The following LMTK3 variants were observed in gnomAD, a reference collection of about 807,000 sequenced individuals.
LMTK3 encodes the protein lemur tail kinase 3.
In LMTK3, 27 loss-of-function variants were observed where a neutral mutation model predicts 116.7. The ratio of observed to expected loss-of-function variants is 0.23; its 90% CI spans 0.17 to 0.32. The LOEUF (loss-of-function observed/expected upper bound fraction) is 0.32. Ranked by LOEUF, LMTK3 falls within the 10% of genes least tolerant of loss-of-function variation. The pLI is 1.00. For missense variants in LMTK3, 1,764 were observed against 2,068.5 expected, an observed-to-expected ratio of 0.85 and a Z score of 2.86; for synonymous variants, 965 against 971.0, an observed-to-expected ratio of 0.99 and a Z score of 0.11.
At position 48,491,021 on chromosome 19, in the gene LMTK3, C is replaced by A. The variant is rs1972211567; in HGVS notation, c.4366+87G>T. On this transcript the variant is annotated intron_variant, in intron 14 of 14. Coordinates refer to ENST00000600059, the MANE Select transcript of LMTK3 (RefSeq NM_001388485.1). The surrounding 1 kb of genome is among the most constrained non-coding windows in gnomAD (Gnocchi z 5.1). ...GAGACTGGGAAGAGAGAGGCAGGGA[C>A]ATTGAAAGATGGTCACAAGAAGTTG... The A allele has an allele frequency of 2.4e-6, 2 of 827,812 alleles. No individual in the cohort carries two copies. The highest frequency in any genetic ancestry group is 6.7e-5 in the East Asian group (2 of 29,848). The allele number at this position is 827,812 out of a possible 1,614,324, so 51.3% of individuals were successfully genotyped here.
At chr19:48,488,041 A>G (rs755976123) in intron 14 of LMTK3, among the ~76,000 whole-genome samples, 1 of 152,108 alleles carries the variant, frequency 6.6e-6, no homozygotes, top group African/African-American at 2.4e-5. Flanking sequence ...TGCCGCAGGA[A>G]TATTTGTCAA....
Position 48,497,676 on chromosome 19 carries a change from C to T in LMTK3, c.3393G>A (p.Val1131=). 1 of 1,317,912 alleles carries T rather than the reference C, an allele frequency of 7.6e-7. No individual in the cohort carries two copies. Among genetic ancestry groups the T allele is most frequent in the South Asian group, 2.3e-5 (1 of 44,184 alleles). The allele number at this position is 1,317,912 out of a possible 1,614,324, so 81.6% of individuals were successfully genotyped here. A position where few individuals can be genotyped will look rare whatever the true frequency, so the allele number is the denominator to read the frequency against. The part of the protein sequence containing the change: ...TAPGGGPGSG[V]DAKAGWVDNT... The stretch of plus-strand genomic sequence containing the variant: ...TGTCTACCCATCCGGCCTTTGCGTC[C>T]ACGCCGCTTCCGGGGCCGCCGCCGG... The change falls in exon 11 of 15, where the codon GTG becomes GTA. Residue 1131 remains valine, a synonymous_variant. Coordinates refer to ENST00000600059, the MANE Select transcript of LMTK3 (RefSeq NM_001388485.1). The surrounding 1 kb of genome is among the most constrained non-coding windows in gnomAD (Gnocchi z 5.7).
At chr19:48,504,163 C>T (rs867223615) in intron 5 of LMTK3, among the ~76,000 whole-genome samples, 10 of 152,368 alleles carry the variant, frequency 6.6e-5, no homozygotes, top group South Asian at 4.1e-4. Flanking sequence ...CCACCGCACC[C>T]TGCCTGCACC....
intron 5 of LMTK3, among the ~76,000 whole-genome samples, chr19:48,507,944 G>A (rs1181187754): frequency 1.3e-5 from 2 of 152,204 alleles, no homozygotes; most frequent in East Asian, 3.8e-4. Context: ...TTTGGAAGGA[G>A]GGGAGGAGTA....
In LMTK3 at chr19:48,494,530, C is replaced by T. The variant is rs1005388872; in HGVS notation, c.3677-421G>A. 6.6e-6 allele frequency among the ~76,000 whole-genome samples: 1 copy of T among 152,208 alleles called. No homozygotes were observed. Among genetic ancestry groups the T allele is most frequent in the African/African-American group, 2.4e-5 (1 of 41,446 alleles). ...ATTTTTAGTAGAGACGGGGTTTCAC[C>T]ATGCTGGCCAGGCTGGTCTTGAACT... On this transcript the variant is annotated intron_variant, in intron 11 of 14. Coordinates refer to ENST00000600059, the MANE Select transcript of LMTK3 (RefSeq NM_001388485.1). The surrounding 1 kb of genome is among the most constrained non-coding windows in gnomAD (Gnocchi z 4.0).
At position 48,491,182 on chromosome 19, in the gene LMTK3, A is replaced by G; in HGVS notation, c.4292T>C (p.Phe1431Ser). The G allele has an allele frequency of 7.3e-7, 1 of 1,365,404 alleles. No homozygotes were observed. The highest frequency in any genetic ancestry group is 1.8e-5 in the South Asian group (1 of 54,170). The allele number at this position is 1,365,404 out of a possible 1,614,324, so 84.6% of individuals were successfully genotyped here. A position where few individuals can be genotyped will look rare whatever the true frequency, so the allele number is the denominator to read the frequency against. ...LLPPPGPPLCFSRFSVSPALE... is the reference protein window; with the variant it reads ...LLPPPGPPLCSSRFSVSPALE... Reference sequence around the variant, plus strand: ...CGCAGGCGAGACGGAGAAGCGGGAGAAGCACAGCGGGGGGCCTGGAGGGGG... The same window carrying G: ...CGCAGGCGAGACGGAGAAGCGGGAGGAGCACAGCGGGGGGCCTGGAGGGGG... The change falls in exon 14 of 15, where the codon TTC becomes TCC. Residue 1431 changes from phenylalanine to serine, a missense_variant. Physicochemically the swap from Phe to Ser is radical, Grantham distance 155 (BLOSUM62 -2). Coordinates refer to ENST00000600059, the MANE Select transcript of LMTK3 (RefSeq NM_001388485.1). The surrounding 1 kb of genome is among the most constrained non-coding windows in gnomAD (Gnocchi z 5.1).
At chr19:48,488,203 C>T (rs913998697) in intron 14 of LMTK3, among the ~76,000 whole-genome samples, 3 of 152,120 alleles carry the variant, frequency 2.0e-5, no homozygotes, top group African/African-American at 7.2e-5. Flanking sequence ...GCACCCCCAC[C>T]CTGTCCTCAC....
In LMTK3 at chr19:48,499,671, G is replaced by A. The variant is rs1333554821; in HGVS notation, c.1398C>T (p.Leu466=). 2 of 1,535,206 alleles carry A rather than the reference G, an allele frequency of 1.3e-6. No individual in the cohort carries two copies. Among genetic ancestry groups the A allele is most frequent in the Non-Finnish European group, 1.8e-6 (2 of 1,139,958 alleles). The part of the protein sequence containing the change: ...GFPGADPDDV[L]TVTESSRGLN... ...GGCCGCGGCTACTCTCGGTGACCGT[G>A]AGCACATCGTCGGGGTCGGCTCCAG... The change falls in exon 11 of 15, where the codon CTC becomes CTT. Residue 466 remains leucine (L), a synonymous_variant. Transcript: ENST00000600059.
intron 5 of LMTK3, among the ~76,000 whole-genome samples, chr19:48,506,015 G>A (rs892415332): frequency 3.3e-5 from 5 of 151,688 alleles, no homozygotes; most frequent in South Asian, 2.1e-4. Context: ...GGTGGTGGGC[G>A]CCTGTAATCG....
In LMTK3 at chr19:48,501,511, G is replaced by T; in HGVS notation, c.846C>A (p.Ile282=). 5.0e-6 allele frequency: 8 copies of T among 1,612,476 alleles called. No individual in the cohort carries two copies. The highest frequency in any genetic ancestry group is 6.8e-6 in the Non-Finnish European group (8 of 1,179,322). ...CLLTSDLTVR[I]GDYGLAHSNY... ...TGCTGTGGGCCAGCCCGTAGTCTCC[G>T]ATGCGCACGGTCAGGTCAGAGGTCA... The change falls in exon 8 of 15, where the codon ATC becomes ATA. Residue 282 remains isoleucine, a synonymous_variant. Transcript: ENST00000600059.
rs1027829791 is a variant in LMTK3, at chr19:48,509,992, A to G, written c.361+31T>C. ...ATCTTCTGGCCTTTCCCGGGACACC[A>G]TGGGATGCTGGTCATGGCGTGGGGC... On this transcript the variant is annotated intron_variant, in intron 3 of 14. Coordinates refer to ENST00000600059, the MANE Select transcript of LMTK3 (RefSeq NM_001388485.1). The G allele has an allele frequency of 2.5e-6, 4 of 1,610,000 alleles. 1 individual carries two copies. The highest frequency in any genetic ancestry group is 2.2e-5 in the South Asian group (2 of 90,920).
chr19:48,508,916 C>T lies in LMTK3; in HGVS notation c.492G>A (p.Lys164=). 6.2e-7 allele frequency: 1 copy of T among 1,613,522 alleles called. No homozygotes were observed. ...SDYTPAQVVV[K]ELRASAGPLE... ...GGGGCCCCGCGCTGGCTCGGAGCTCCTTCACCACCACCTGGGCGGGGGTGT... is the reference window on the plus strand; with the variant it reads ...GGGGCCCCGCGCTGGCTCGGAGCTCTTTCACCACCACCTGGGCGGGGGTGT... The change falls in exon 5 of 15, where the codon AAG becomes AAA. Residue 164 remains lysine, a synonymous_variant. Coordinates refer to ENST00000600059, the MANE Select transcript of LMTK3 (RefSeq NM_001388485.1).
rs1248762917 is a variant in LMTK3, at chr19:48,501,567, G to A, written c.795-5C>T. On this transcript the variant is annotated splice_region_variant and splice_polypyrimidine_tract_variant and intron_variant, in intron 7 of 14. Transcript: ENST00000600059. ...CAGTTGCGCAGGGCCAGGTCGCTGCGGGAAGAACGCGAGGAGGTGAGCGCA... is the reference window on the plus strand; with the variant it reads ...CAGTTGCGCAGGGCCAGGTCGCTGCAGGAAGAACGCGAGGAGGTGAGCGCA... 2.5e-6 allele frequency: 4 copies of A among 1,603,644 alleles called. No homozygotes were observed. Among genetic ancestry groups the A allele is most frequent in the Non-Finnish European group, 3.4e-6 (4 of 1,176,662 alleles).
At position 48,498,190 on chromosome 19, in the gene LMTK3, T is replaced by G; in HGVS notation, c.2879A>C (p.Glu960Ala). The change falls in exon 11 of 15, where the codon GAG becomes GCG. Residue 960 changes from glutamate to alanine, a missense_variant. Around this residue, in one of 7 missense-constraint regions of LMTK3, gnomAD observed 1,028 missense variants for 1,050.6 expected, o/e 0.98. Transcript: ENST00000600059. ...GSPEREEKVL[E>A]NGELTPPRRE... ...CCTTGGGGGTGTCAGCTCCCCATTCTCCAGCACTTTCTCTTCTCTCTCGGG... is the reference window on the plus strand; with the variant it reads ...CCTTGGGGGTGTCAGCTCCCCATTCGCCAGCACTTTCTCTTCTCTCTCGGG... The G allele has an allele frequency of 6.2e-7, 1 of 1,613,460 alleles. No homozygotes were observed. Among genetic ancestry groups the G allele is most frequent in the Non-Finnish European group, 8.5e-7 (1 of 1,179,726 alleles).
Position 48,497,615 on chromosome 19 carries a change from G to A in LMTK3, c.3454C>T (p.Pro1152Ser). The A allele has an allele frequency of 7.7e-7, 1 of 1,299,932 alleles. No homozygotes were observed. Among genetic ancestry groups the A allele is most frequent in the Non-Finnish European group, 9.8e-7 (1 of 1,024,756 alleles). The allele number at this position is 1,299,932 out of a possible 1,614,324, so 80.5% of individuals were successfully genotyped here. Residue 1152 changes from proline to serine, a missense_variant, in exon 11 of 15, where the codon CCG becomes TCG. Pro to Ser is a moderately conservative substitution (Grantham distance 74). Coordinates refer to ENST00000600059, the MANE Select transcript of LMTK3 (RefSeq NM_001388485.1). The surrounding 1 kb of genome is among the most constrained non-coding windows in gnomAD (Gnocchi z 5.7). ...RPQPPPPPLP[P>S]PPEAQPRRLE... ...CTCCTCGGCTGTGCCTCCGGTGGCG[G>A]TGGCAGCGGTGGCGGCGGTGGCTGC...
At chr19:48,505,037 C>T (rs980241680) in intron 5 of LMTK3, among the ~76,000 whole-genome samples, 1 of 147,766 alleles carries the variant, frequency 6.8e-6, no homozygotes, top group Non-Finnish European at 1.5e-5. Flanking sequence ...GTCTCTGTCA[C>T]ATACTGCCTC....
At chr19:48,493,370 T>G (rs1972260440) in intron 12 of LMTK3, among the ~76,000 whole-genome samples, 1 of 48,364 alleles carries the variant, frequency 2.1e-5, no homozygotes, top group Admixed American at 2.7e-4. Flanking sequence ...CGCCCCACTC[T>G]AGCTCGGCCC....
chr19:48,490,632 C>T (rs915135073), intron 14 of LMTK3, among the ~76,000 whole-genome samples: 3 of 152,096 alleles, frequency 2.0e-5, no homozygotes, highest in Admixed American at 1.3e-4. Flanking sequence ...GCAGGGTCCA[C>T]GCGAGAGCAG....
chr19:48,487,403 G>A (rs144252865), intron 14 of LMTK3, among the ~76,000 whole-genome samples: 1 of 152,112 alleles, frequency 6.6e-6, no homozygotes, highest in East Asian at 1.9e-4. Context: ...TCGAACTCCT[G>A]ACCTCAAATG....
Sources: gnomAD v4.1 joint callset for allele counts (sites outside exome capture counted in the v4.1 genomes callset) on GRCh38, gnomAD v4.1.1 for gene constraint, gnomAD v4.1.1 regional missense constraint, Gnocchi (gnomAD v3.1) non-coding constraint, MANE v1.5 for transcripts, NCBI Gene and HGNC (gene_info 2026-07-23, HGNC 2026-07-21) for gene names.